Variants in GOLGA1 observed in about 807,000 individuals in gnomAD.
The protein encoded by GOLGA1 is golgin subfamily A member 1.
A neutral mutation model predicts 119.7 loss-of-function variants in GOLGA1; 63 were observed. The ratio of observed to expected loss-of-function variants is 0.53; its 90% CI spans 0.43 to 0.65. GOLGA1 has a LOEUF of 0.65. GOLGA1 is among the 30% of genes least tolerant of loss of function. The pLI is 0.00. For synonymous variants in GOLGA1, 318 were observed against 333.4 expected (o/e 0.95, Z 0.50); for missense variants, 798 against 912.8 (o/e 0.87, Z 1.62).
At chr9:124,891,909 T>C (rs1829861165) in intron 15 of GOLGA1, among the ~76,000 whole-genome samples, 1 of 151,896 alleles carries the variant, frequency 6.6e-6, no homozygotes, top group Admixed American at 6.6e-5. Context: ...CCTCCCAAAA[T>C]GCTGGGATTA....
chr9:124,932,097 C>T (rs181033565), intron 3 of GOLGA1, among the ~76,000 whole-genome samples: 1 of 152,274 alleles, frequency 6.6e-6, no homozygotes, highest in African/African-American at 2.4e-5. Flanking sequence ...CTAAATAATG[C>T]TCTCCATCTA....
intron 12 of GOLGA1, among the ~76,000 whole-genome samples, chr9:124,906,075 T>G (rs1830223366): frequency 6.6e-6 from 1 of 151,514 alleles, no homozygotes; most frequent in Non-Finnish European, 1.5e-5. Flanking sequence ...ATGGCACTAT[T>G]GCACTCTAGC....
chr9:124,913,861 G>C (rs1734240702), intron 10 of GOLGA1, among the ~76,000 whole-genome samples: 2 of 152,340 alleles, frequency 1.3e-5, no homozygotes, highest in South Asian at 4.1e-4. Flanking sequence ...GAATGGGCAA[G>C]TCCAGGTGAA....
At chr9:124,890,572 G>A (rs1829832024) in intron 15 of GOLGA1, 94 bp from the exon 16 acceptor site, 11 of 941,356 alleles carry the variant, frequency 1.2e-5, no homozygotes, top group Non-Finnish European at 1.9e-5. Context: ...GCATGGCTTT[G>A]CAGAGCCAGA....
intron 12 of GOLGA1, among the ~76,000 whole-genome samples, chr9:124,904,404 A>G (rs995131913): frequency 6.6e-6 from 1 of 152,266 alleles, no homozygotes; most frequent in African/African-American, 2.4e-5. Context: ...GGATATTCAG[A>G]AACAGAATTG....
chr9:124,897,253 T>G (rs1051432821), intron 15 of GOLGA1, among the ~76,000 whole-genome samples: 2 of 152,254 alleles, frequency 1.3e-5, no homozygotes. Flanking sequence ...TTCATAGCAT[T>G]TATTGTTAAT....
At chr9:124,933,122 G>A (rs1474926499) in intron 3 of GOLGA1, among the ~76,000 whole-genome samples, 1 of 152,092 alleles carries the variant, frequency 6.6e-6, no homozygotes, top group Non-Finnish European at 1.5e-5. Flanking sequence ...GTGAAACAAA[G>A]AGCTCCTATC....
At chr9:124,912,331 G>A (rs1830357224) in intron 10 of GOLGA1, among the ~76,000 whole-genome samples, 1 of 152,160 alleles carries the variant, frequency 6.6e-6, no homozygotes, top group African/African-American at 2.4e-5. Context: ...CCACCAAGAA[G>A]CACTCAGCCT....
At chr9:124,938,260 G>A (rs1564347549) in intron 3 of GOLGA1, among the ~76,000 whole-genome samples, 1 of 152,044 alleles carries the variant, frequency 6.6e-6, no homozygotes, top group East Asian at 1.9e-4. Context: ...TGTCTGCAAT[G>A]AAAACAGGCC....
rs1830381399 is a variant in GOLGA1, at chr9:124,913,608, A to C, written c.844-1582T>G. ...ATTCTCACAGGTGGACAACAGAGAT[A>C]GTGGAGGGGAAGTCTGAAGACTAGA... On this transcript the variant is annotated intron_variant, in intron 10 of 22. Coordinates refer to ENST00000373555, the MANE Select transcript of GOLGA1 (RefSeq NM_002077.4). Among the ~76,000 whole-genome samples the C allele has an allele frequency of 1.3e-5, 2 of 152,340 alleles. 1 individual carries two copies. The highest frequency in any genetic ancestry group is 4.1e-4 in the South Asian group (2 of 4,822).
At chr9:124,936,031 T>C (rs547915327) in intron 3 of GOLGA1, among the ~76,000 whole-genome samples, 1 of 152,266 alleles carries the variant, frequency 6.6e-6, no homozygotes, top group African/African-American at 2.4e-5. Flanking sequence ...GATCAGGCTG[T>C]ATTAAGTTCA....
At chr9:124,907,071 A>G (rs1564333244) in intron 12 of GOLGA1, among the ~76,000 whole-genome samples, 1 of 152,212 alleles carries the variant, frequency 6.6e-6, no homozygotes, top group Non-Finnish European at 1.5e-5. Context: ...TGAAAAAAAA[A>G]GAGAATTTGT....
At chr9:124,882,424 C>A in intron 20 of GOLGA1, 86 bp downstream of exon 20, 1 of 929,990 alleles carries the variant, frequency 1.1e-6, no homozygotes. Context: ...GGAGCATAGT[C>A]AGGCGGCGAG....
At chr9:124,925,486 C>T (rs553347059) in intron 7 of GOLGA1, among the ~76,000 whole-genome samples, 1 of 151,966 alleles carries the variant, frequency 6.6e-6, no homozygotes, top group African/African-American at 2.4e-5. Flanking sequence ...GGAGGCCAGG[C>T]AGGAGGATCA....
chr9:124,882,631 A>G, intron 19 of GOLGA1, 62 bp from the exon 20 acceptor site: 4 of 1,355,182 alleles, frequency 3.0e-6, no homozygotes, highest in Non-Finnish European at 4.2e-6. Flanking sequence ...CAAAGGAAAC[A>G]GACCCGAAGA....
At position 124,912,010 on chromosome 9, in the gene GOLGA1, T is replaced by C; in HGVS notation, c.860A>G (p.Gln287Arg). The C allele has an allele frequency of 6.2e-7, 1 of 1,613,530 alleles. No homozygotes were observed. The highest frequency in any genetic ancestry group is 8.5e-7 in the Non-Finnish European group (1 of 1,179,546). ...ATGTGTGATAACGTCTTCTTTCTCTTGAGTTTCAGCAGTGACCTGCAGGTG... is the reference window on the plus strand; with the variant it reads ...ATGTGTGATAACGTCTTCTTTCTCTCGAGTTTCAGCAGTGACCTGCAGGTG... Reference protein sequence around the residue: ...IDLQKVTAETQEKEDVITHLQ... With the variant: ...IDLQKVTAETREKEDVITHLQ... Residue 287 changes from glutamine to arginine, a missense_variant, in exon 11 of 23, where the codon CAA becomes CGA. Gln to Arg is a conservative substitution (Grantham distance 43). Coordinates refer to ENST00000373555, the MANE Select transcript of GOLGA1 (RefSeq NM_002077.4).
At chr9:124,942,681 T>C (rs1278117977), upstream of GOLGA1, 2 of 152,258 alleles carry the variant, frequency 1.3e-5, no homozygotes, top group Admixed American at 6.5e-5. Context: ...ACAAAATTCA[T>C]GTACAAGAGT....
intron 9 of GOLGA1, 137 bp downstream of exon 9, chr9:124,921,585 AG>A (rs1300941187): frequency 1.4e-6 from 1 of 729,814 alleles, no homozygotes; most frequent in Admixed American, 2.3e-5. Context: ...AGTCCTAGGC[AG>A]GTAAGGATGT....
Position 124,882,559 on chromosome 9 carries a change from T to C in GOLGA1, c.1916A>G (p.Gln639Arg). Residue 639 changes from glutamine to arginine, a missense_variant, in exon 20 of 23, where the codon CAG becomes CGG. Coordinates refer to ENST00000373555, the MANE Select transcript of GOLGA1 (RefSeq NM_002077.4). ...QLLEKNKTIKQMQQRMLELRK... is the reference protein window; with the variant it reads ...QLLEKNKTIKRMQQRMLELRK... ...GAGCTCCAGCATCCGCTGCTGCATC[T>C]GCTTTATGGTCTGCGACAAGCCCCA... is the stretch of plus-strand genomic sequence containing the variant. 2 of 1,612,436 alleles carry C rather than the reference T, an allele frequency of 1.2e-6. No individual in the cohort carries two copies. Among genetic ancestry groups the C allele is most frequent in the Non-Finnish European group, 1.7e-6 (2 of 1,179,646 alleles).
Sources: gnomAD v4.1 joint callset for allele counts (sites outside exome capture counted in the v4.1 genomes callset) on GRCh38, gnomAD v4.1.1 for gene constraint, MANE v1.5 for transcripts, NCBI Gene and HGNC (gene_info 2026-07-23, HGNC 2026-07-21) for gene names.